The following ZNF185 variants were observed in gnomAD, a reference collection of about 807,000 sequenced individuals.
ZNF185 encodes the protein zinc finger protein 185 with LIM domain, also known as zinc finger protein 185.
Under a neutral mutation model 58.6 loss-of-function variants are expected in ZNF185, and 56 were observed. The observed-to-expected ratio is 0.95, with a 90% confidence interval of 0.77 to 1.19. ZNF185 has a LOEUF of 1.19. ZNF185 is among the 50% of genes most tolerant of loss of function. ZNF185 has a pLI of 0.00. For missense variants in ZNF185, 627 were observed against 573.5 expected, an observed-to-expected ratio of 1.09 and a Z score of -0.95; for synonymous variants, 230 against 215.9, an observed-to-expected ratio of 1.07 and a Z score of -0.57.
chrX:152,971,672 G>A (rs1208657352), exon 23 of ZNF185: 2 of 112,221 alleles, frequency 1.8e-5, no homozygotes, highest in African/African-American at 6.5e-5. Flanking sequence ...GAAGACTGTT[G>A]ATGATCCCTG....
chrX:152,969,448 A>G (rs782034375), exon 21 of ZNF185: 14 of 1,206,378 alleles, frequency 1.2e-5, no homozygotes, highest in Admixed American at 2.2e-5. Context: ...TTACCCTAGA[A>G]CATCTTGGTA....
chrX:152,922,898 C>A, intron 11 of ZNF185, 89 bp downstream of exon 12: 1 of 871,909 alleles, frequency 1.1e-6, no homozygotes, highest in Non-Finnish European at 1.6e-6. Flanking sequence ...TGGGGAGGGT[C>A]TGGCAGTGGG....
At chrX:152,914,689 G>A (rs184578508) in intron 1 of ZNF185, 21 bp from the exon 3 acceptor site, 33 of 1,194,222 alleles carry the variant, frequency 2.8e-5, no homozygotes, top group Non-Finnish European at 3.2e-5. Flanking sequence ...CTTCTGAGGC[G>A]GTTGGCTTTT....
chrX:152,970,611 C>T (rs1323388303), intron 22 of ZNF185, 70 bp downstream of exon 24: 3 of 951,014 alleles, frequency 3.2e-6, no homozygotes, highest in African/African-American at 3.9e-5. Flanking sequence ...ACCCTGGTCT[C>T]TCCTGGAGTC....
intron 7 of ZNF185, 78 bp downstream of exon 8, chrX:152,919,159 G>A (rs1317202505): frequency 4.9e-6 from 4 of 817,527 alleles, no homozygotes; most frequent in Non-Finnish European, 7.2e-6. Context: ...GGAATGAATT[G>A]TACTGGTTGG....
In ZNF185 at chrX:152,920,867, C is replaced by T. The variant is rs1356380052; in HGVS notation, c.656+119C>T. On this transcript the variant is annotated intron_variant, in intron 9 of 22. Coordinates refer to ENST00000449285, the Ensembl canonical transcript of ZNF185. Reference sequence around the variant, plus strand: ...GATGTGGATGTGGGGGACTACTGTCCCTGAGCAGGGGGAGTTGTGAGGGGC... The same window carrying T: ...GATGTGGATGTGGGGGACTACTGTCTCTGAGCAGGGGGAGTTGTGAGGGGC... The T allele has an allele frequency of 3.3e-6, 3 of 900,077 alleles. No individual in the cohort carries two copies. The African/African-American group carries it at 5.9e-5, about 18-fold the overall frequency. 74.2% of individuals were successfully genotyped at this position (900,077 alleles called of 1,213,427 possible).
At chrX:152,913,255 G>A (rs1472811025), upstream of ZNF185, among the ~76,000 whole-genome samples, 1 of 112,480 alleles carries the variant, frequency 8.9e-6, no homozygotes, top group East Asian at 2.8e-4. Context: ...CCTGCTTCCT[G>A]TCATGCCCAC....
intron 8 of ZNF185, 109 bp from the exon 10 acceptor site, chrX:152,920,598 G>C: frequency 9.4e-7 from 1 of 1,063,897 alleles, no homozygotes; most frequent in Non-Finnish European, 1.3e-6. Flanking sequence ...ACCAGGGACA[G>C]TGAAGTGCCG....
chrX:152,929,528 G>T (rs1477292611), intron 12 of ZNF185, among the ~76,000 whole-genome samples: 1 of 111,497 alleles, frequency 9.0e-6, no homozygotes, highest in African/African-American at 3.3e-5. Context: ...TGACATCCAA[G>T]ATGAGTCCTG....
At chrX:152,922,247 G>T in exon 10 of ZNF185, 4 of 1,180,553 alleles carry the variant, frequency 3.4e-6, no homozygotes, top group Non-Finnish European at 4.5e-6. Flanking sequence ...TCCACTCCTG[G>T]CTCAAACAGG....
At chrX:152,904,044 C>T in the ZNF185 span, among the ~76,000 whole-genome samples, 2 of 112,787 alleles carry the variant, frequency 1.8e-5, no homozygotes, top group African/African-American at 3.2e-5. Flanking sequence ...CCCCGCCATG[C>T]GTTCTTTTTC....
In ZNF185 at chrX:152,915,160, C is replaced by T. The variant is rs782016093; in HGVS notation, c.181C>T (p.Arg61Cys). 39 of 1,210,264 alleles carry T rather than the reference C, an allele frequency of 3.2e-5. No individual in the cohort carries two copies. Among genetic ancestry groups the T allele is most frequent in the Middle Eastern group, 2.3e-4 (1 of 4,325 alleles). The change falls in exon 3 of 23, where the codon CGC (arginine) becomes TGC (cysteine). Residue 61 changes from arginine (R) to cysteine (C), a missense_variant. By Grantham distance (180) the Arg-to-Cys change is radical. Transcript: ENST00000449285. ...CAGAGAGCTGCCCTCAGGCCGGAGT[C>T]GCGCCACATCCTTTTCATCAGCTGG...
chrX:152,934,644 T>C (rs1318366908), intron 14 of ZNF185, among the ~76,000 whole-genome samples: 1 of 112,033 alleles, frequency 8.9e-6, no homozygotes, highest in African/African-American at 3.3e-5. Flanking sequence ...CACATCCTCC[T>C]GTACCCTTTA....
chrX:152,945,401 C>G (rs1556894033), exon 16 of ZNF185: 1 of 1,205,837 alleles, frequency 8.3e-7, no homozygotes, highest in African/African-American at 1.7e-5. Context: ...CCCAGCACCC[C>G]AGAGCGGCAG....
intron 17 of ZNF185, among the ~76,000 whole-genome samples, chrX:152,960,843 C>T (rs1190764294): frequency 8.9e-6 from 1 of 111,755 alleles, no homozygotes; most frequent in Non-Finnish European, 1.9e-5. Context: ...GCCTAGAGGG[C>T]AGGAGAGAAT....
the ZNF185 span, among the ~76,000 whole-genome samples, chrX:152,899,201 T>G: frequency 1.8e-5 from 2 of 112,660 alleles, no homozygotes; most frequent in Non-Finnish European, 1.9e-5. Flanking sequence ...GAGGCTTCAG[T>G]ACCTGGACTA....
At chrX:152,907,703 A>C in the ZNF185 span, among the ~76,000 whole-genome samples, 13 of 112,980 alleles carry the variant, frequency 1.2e-4, no homozygotes, top group African/African-American at 4.2e-4. Context: ...TTGCCTGAGT[A>C]CGGGGCTTTG....
intron 15 of ZNF185, among the ~76,000 whole-genome samples, chrX:152,941,203 C>T (rs1255988169): frequency 8.9e-6 from 1 of 111,928 alleles, no homozygotes; most frequent in Non-Finnish European, 1.9e-5. Flanking sequence ...AGGTCGAGAA[C>T]CATCGTTCTC....
chrX:152,917,131 G>A (rs782048278), exon 4 of ZNF185: 71 of 1,209,915 alleles, frequency 5.9e-5, no homozygotes, highest in Non-Finnish European at 7.6e-5. Flanking sequence ...TCTTCGGCAG[G>A]CCTCCGAGCA....
Sources: allele counts gnomAD v4.1 joint callset (sites outside exome capture counted in the v4.1 genomes callset), GRCh38; gene constraint gnomAD v4.1.1; transcripts MANE v1.5; gene names NCBI Gene and HGNC (gene_info 2026-07-23, HGNC 2026-07-21).